The following PRKCB variants were observed in gnomAD, a reference collection of about 807,000 sequenced individuals.
The protein encoded by PRKCB is protein kinase C beta, also known as protein kinase C beta type.
Under a neutral mutation model 81.5 loss-of-function variants are expected in PRKCB, and 13 were observed. The ratio of observed to expected loss-of-function variants is 0.16; its 90% CI spans 0.10 to 0.25. The LOEUF is 0.25. PRKCB is among the 10% of genes least tolerant of loss of function. The pLI, the probability that PRKCB is intolerant of heterozygous loss-of-function variation, is 1.00. For synonymous variants in PRKCB, 335 were observed against 321.4 expected, an observed-to-expected ratio of 1.04 and a Z score of -0.45; for missense variants, 509 against 875.7, an observed-to-expected ratio of 0.58 and a Z score of 5.29.
chr16:23,907,752 C>T (rs192668287), intron 2 of PRKCB, among the ~76,000 whole-genome samples: 73 of 152,162 alleles, frequency 4.8e-4, no homozygotes, highest in Admixed American at 7.8e-4. Flanking sequence ...CCATACCGGT[C>T]GACTCCGGGA....
chr16:24,198,802 T>A (rs572859379), intron 16 of PRKCB, among the ~76,000 whole-genome samples: 1 of 152,334 alleles, frequency 6.6e-6, no homozygotes, highest in East Asian at 1.9e-4. Flanking sequence ...TGATCGTCAA[T>A]GCTCTCTGGG....
At chr16:24,137,939 C>A (rs1379952062) in intron 9 of PRKCB, among the ~76,000 whole-genome samples, 1 of 152,146 alleles carries the variant, frequency 6.6e-6, no homozygotes, top group African/African-American at 2.4e-5. Flanking sequence ...AACACCACTG[C>A]GGAGATTGAT....
At chr16:24,054,469 A>G (rs956002120) in intron 5 of PRKCB, among the ~76,000 whole-genome samples, 2 of 152,226 alleles carry the variant, frequency 1.3e-5, no homozygotes, top group Non-Finnish European at 2.9e-5. Context: ...AGATTCATAT[A>G]GCTGATAAGT....
chr16:24,172,797 C>A (rs1187978754), intron 11 of PRKCB, among the ~76,000 whole-genome samples: 1 of 152,126 alleles, frequency 6.6e-6, no homozygotes, highest in Non-Finnish European at 1.5e-5. Flanking sequence ...AATTCATGTC[C>A]CTGACTGCTT....
chr16:24,191,326 T>C (rs1256453966), intron 16 of PRKCB, 96 bp downstream of exon 16: 6 of 1,366,944 alleles, frequency 4.4e-6, no homozygotes, highest in South Asian at 1.3e-5. Flanking sequence ...GGGGTAGACG[T>C]CAATGTGTCT....
chr16:24,052,847 A>G (rs1177104347), intron 5 of PRKCB, among the ~76,000 whole-genome samples: 6 of 152,192 alleles, frequency 3.9e-5, no homozygotes. Context: ...GTCCTGTCTC[A>G]TTCAGTGACT....
At chr16:24,174,496 T>G in intron 11 of PRKCB, 22 bp from the exon 12 acceptor site, 3 of 541,918 alleles carry the variant, frequency 5.5e-6, no homozygotes, top group Non-Finnish European at 7.7e-6. Context: ...CTCCATCGCT[T>G]TTTTTTTTTT....
intron 5 of PRKCB, among the ~76,000 whole-genome samples, chr16:24,051,843 G>A (rs998304631): frequency 2.2e-4 from 33 of 152,196 alleles, no homozygotes; most frequent in African/African-American, 6.7e-4. Flanking sequence ...AGTGGCTCAC[G>A]CCTGTAATCC....
At position 24,106,641 on chromosome 16, in the gene PRKCB, G is replaced by A. The variant is rs1242199436; in HGVS notation, c.822-6332G>A. 2.0e-5 allele frequency among the ~76,000 whole-genome samples: 3 copies of A among 152,252 alleles called. No homozygotes were observed. In the East Asian group the frequency reaches 5.8e-4, roughly 29 times the overall value. Reference sequence around the variant, plus strand: ...ACATTATTAAAGGGTTTGCCAAAATGTCCTACAATTTTAAAAATCAATTTA... The same window carrying A: ...ACATTATTAAAGGGTTTGCCAAAATATCCTACAATTTTAAAAATCAATTTA... On this transcript the variant is annotated intron_variant, in intron 7 of 16. Transcript: ENST00000643927.
intron 3 of PRKCB, among the ~76,000 whole-genome samples, chr16:24,015,461 C>G (rs940629482): frequency 3.3e-5 from 5 of 152,112 alleles, no homozygotes; most frequent in Admixed American, 6.5e-5. Context: ...GAACAGGTCA[C>G]GGGGGTTGAG....
At chr16:23,983,849 G>A (rs1964769173) in intron 2 of PRKCB, among the ~76,000 whole-genome samples, 1 of 151,982 alleles carries the variant, frequency 6.6e-6, no homozygotes. Context: ...CTGGGTAGCT[G>A]GGATTACCGG....
chr16:24,153,206 G>T (rs1967104955), intron 9 of PRKCB, among the ~76,000 whole-genome samples: 1 of 152,038 alleles, frequency 6.6e-6, no homozygotes, highest in African/African-American at 2.4e-5. Flanking sequence ...GCATCCTCTG[G>T]TCCTCCAGCT....
rs570299368 is a variant in PRKCB, at chr16:23,906,094, A to G, written c.205+68688A>G. 6.5e-4 allele frequency among the ~76,000 whole-genome samples: 99 copies of G among 152,272 alleles called. 1 individual carries two copies. Among genetic ancestry groups the G allele is most frequent in the African/African-American group, 2.3e-3 (97 of 41,546 alleles). ...TGTCGCATTGGAATCATGAGGACGG[A>G]GGATATGTGCTTTAAAATGTGGATT... On this transcript the variant is annotated intron_variant, in intron 2 of 16. Transcript: ENST00000643927.
intron 7 of PRKCB, among the ~76,000 whole-genome samples, chr16:24,096,693 A>ATATATATATATATATATATATATG (rs1966449608): frequency 2.0e-5 from 2 of 98,266 alleles, no homozygotes; most frequent in South Asian, 7.0e-4. Flanking sequence ...ATATATATAT[A>ATATATATATATATATATATATATG]TATATATATA....
intron 2 of PRKCB, among the ~76,000 whole-genome samples, chr16:23,944,873 T>C (rs1964184620): frequency 1.3e-5 from 2 of 152,228 alleles, no homozygotes; most frequent in African/African-American, 4.8e-5. Context: ...TTAGGGAACA[T>C]TTGATTGGTC....
chr16:24,174,833 T>C, intron 12 of PRKCB: 1 of 423,432 alleles, frequency 2.4e-6, no homozygotes, highest in Non-Finnish European at 4.2e-6. Flanking sequence ...AGGAGACTGT[T>C]TGCTCTAAGA....
At chr16:23,971,762 T>C (rs1425170815) in intron 2 of PRKCB, among the ~76,000 whole-genome samples, 4 of 152,196 alleles carry the variant, frequency 2.6e-5, no homozygotes, top group East Asian at 3.8e-4. Flanking sequence ...ATGTCTTTAA[T>C]TGAACATCTA....
intron 3 of PRKCB, among the ~76,000 whole-genome samples, chr16:24,017,117 G>T (rs912755290): frequency 6.6e-6 from 1 of 152,208 alleles, no homozygotes; most frequent in Non-Finnish European, 1.5e-5. Flanking sequence ...GTATAAAGGT[G>T]TGTGCCTCTA....
At chr16:23,861,791 G>A (rs1268542295) in intron 2 of PRKCB, among the ~76,000 whole-genome samples, 1 of 152,194 alleles carries the variant, frequency 6.6e-6, no homozygotes, top group Non-Finnish European at 1.5e-5. Flanking sequence ...TTGGCAAGCT[G>A]TAAATGGCAG....
Sources: allele counts gnomAD v4.1 joint callset (sites outside exome capture counted in the v4.1 genomes callset), GRCh38; gene constraint gnomAD v4.1.1; transcripts MANE v1.5; gene names NCBI Gene and HGNC (gene_info 2026-07-23, HGNC 2026-07-21).